The following CADPS2 variants were observed in gnomAD, a reference collection of about 807,000 sequenced individuals.
CADPS2 encodes the protein calcium-dependent secretion activator 2.
Under a neutral mutation model 172.5 loss-of-function variants are expected in CADPS2, and 93 were observed. The observed-to-expected ratio is 0.54, with a 90% CI of 0.46 to 0.64. CADPS2 has a LOEUF of 0.64. Among genes scored for constraint, CADPS2 ranks in the 30% least tolerant of loss-of-function variants. The pLI is 0.00. For synonymous variants in CADPS2, 546 were observed against 555.2 expected (o/e 0.98, Z 0.23); for missense variants, 1,420 against 1,565.9 (o/e 0.91, Z 1.57).
At position 122,474,536 on chromosome 7, in the gene CADPS2, A is replaced by C; in HGVS notation, c.1862-19T>G. The C allele has an allele frequency of 6.2e-7, 1 of 1,607,684 alleles. No individual in the cohort carries two copies. The highest frequency in any genetic ancestry group is 1.3e-5 in the African/African-American group (1 of 74,920). On this transcript the variant is annotated intron_variant, in intron 12 of 29. Transcript: ENST00000449022. Reference sequence around the variant, plus strand: ...TCTGCATCTGTAAATTCAGGAAAGCATGTACAGTATATTTACTTTTCAGGC... The same window carrying C: ...TCTGCATCTGTAAATTCAGGAAAGCCTGTACAGTATATTTACTTTTCAGGC...
At chr7:122,620,548 G>T (rs1320670006) in intron 5 of CADPS2, among the ~76,000 whole-genome samples, 1 of 152,134 alleles carries the variant, frequency 6.6e-6, no homozygotes, top group Non-Finnish European at 1.5e-5. Flanking sequence ...TGTACAAAGA[G>T]TATTAGTCTT....
At chr7:122,692,233 G>A (rs1323161279) in intron 2 of CADPS2, among the ~76,000 whole-genome samples, 3 of 152,132 alleles carry the variant, frequency 2.0e-5, no homozygotes, top group Admixed American at 2.0e-4. Context: ...AACATAGCGG[G>A]GGTGCAGGCA....
chr7:122,844,460 T>A (rs1811413416), intron 1 of CADPS2, among the ~76,000 whole-genome samples: 1 of 152,192 alleles, frequency 6.6e-6, no homozygotes, highest in African/African-American at 2.4e-5. Flanking sequence ...TCAATCACTT[T>A]TTATAAGAGT....
chr7:122,578,737 C>G (rs1026381419), intron 7 of CADPS2, among the ~76,000 whole-genome samples: 4 of 151,998 alleles, frequency 2.6e-5, no homozygotes, highest in Non-Finnish European at 5.9e-5. Flanking sequence ...TTAAATAGAT[C>G]ATAGTGACTG....
intron 6 of CADPS2, among the ~76,000 whole-genome samples, chr7:122,609,346 A>G (rs2074003757): frequency 6.6e-6 from 1 of 152,186 alleles, no homozygotes; most frequent in Admixed American, 6.5e-5. Flanking sequence ...GGTATGCACT[A>G]ACATTAAAAT....
chr7:122,560,199 C>T (rs1262055433), intron 7 of CADPS2, among the ~76,000 whole-genome samples: 2 of 152,000 alleles, frequency 1.3e-5, no homozygotes, highest in African/African-American at 4.8e-5. Flanking sequence ...TAGAAGGTTA[C>T]TGTGTGTAAA....
intron 28 of CADPS2, chr7:122,331,837 A>T (rs957267010): frequency 6.6e-6 from 1 of 152,186 alleles, no homozygotes; most frequent in African/African-American, 2.4e-5. Flanking sequence ...GTAAAGATTT[A>T]TATCTTATAT....
intron 14 of CADPS2, among the ~76,000 whole-genome samples, chr7:122,454,832 C>T (rs2053566046): frequency 6.6e-6 from 1 of 152,066 alleles, no homozygotes; most frequent in Admixed American, 6.6e-5. Context: ...TCAAAACACA[C>T]CCAGAATGTG....
chr7:122,779,842 C>T (rs1459268649), intron 1 of CADPS2, among the ~76,000 whole-genome samples: 2 of 152,122 alleles, frequency 1.3e-5, no homozygotes, highest in Non-Finnish European at 2.9e-5. Context: ...CTACTATATA[C>T]CTATGGACTA....
chr7:122,663,686 T>C (rs2080863135), intron 2 of CADPS2, 117 bp from the exon 3 acceptor site: 4 of 718,706 alleles, frequency 5.6e-6, no homozygotes, highest in East Asian at 2.7e-5. Flanking sequence ...AGCCAAATAC[T>C]CCACAATGAT....
chr7:122,842,135 G>A (rs551488378), intron 1 of CADPS2, among the ~76,000 whole-genome samples: 5 of 152,314 alleles, frequency 3.3e-5, no homozygotes, highest in African/African-American at 1.2e-4. Flanking sequence ...CTTTGGCTCA[G>A]GAACACGGCC....
intron 17 of CADPS2, among the ~76,000 whole-genome samples, chr7:122,429,617 C>T (rs749625085): frequency 6.6e-6 from 1 of 152,016 alleles, no homozygotes; most frequent in African/African-American, 2.4e-5. Context: ...TCTTTAATTA[C>T]CTGTTCAATT....
intron 2 of CADPS2, among the ~76,000 whole-genome samples, chr7:122,670,930 T>G (rs2081769737): frequency 6.6e-6 from 1 of 151,688 alleles, no homozygotes; most frequent in African/African-American, 2.4e-5. Context: ...TATTCTTCCT[T>G]GCTGGATCTC....
At chr7:122,776,593 A>G (rs1036333272) in intron 1 of CADPS2, among the ~76,000 whole-genome samples, 2 of 152,042 alleles carry the variant, frequency 1.3e-5, no homozygotes, top group Non-Finnish European at 2.9e-5. Context: ...AAACAAACAA[A>G]CAAACAAAAA....
At chr7:122,462,697 G>T (rs2054608390) in intron 14 of CADPS2, among the ~76,000 whole-genome samples, 1 of 152,138 alleles carries the variant, frequency 6.6e-6, no homozygotes, top group Non-Finnish European at 1.5e-5. Flanking sequence ...CTCATCAAAA[G>T]AAAGCTACAT....
chr7:122,821,110 C>T (rs1349328840), intron 1 of CADPS2, among the ~76,000 whole-genome samples: 1 of 152,014 alleles, frequency 6.6e-6, no homozygotes, highest in Non-Finnish European at 1.5e-5. Context: ...ATCCAGCCTC[C>T]CACATTATTC....
intron 1 of CADPS2, among the ~76,000 whole-genome samples, chr7:122,860,954 T>C (rs1391382356): frequency 6.6e-6 from 1 of 152,222 alleles, no homozygotes. Flanking sequence ...TATAGTTAAA[T>C]AGTAATGGTA....
chr7:122,499,522 A>T (rs542501142), intron 9 of CADPS2, among the ~76,000 whole-genome samples: 2 of 152,208 alleles, frequency 1.3e-5, no homozygotes. Flanking sequence ...GCCAAAAAGG[A>T]ATTCTTAATA....
chr7:122,752,051 TCCAAGAAAAC>T (rs1450356079), intron 1 of CADPS2, among the ~76,000 whole-genome samples: 4 of 144,544 alleles, frequency 2.8e-5, no homozygotes, highest in Admixed American at 2.1e-4. Flanking sequence ...AAAACAGATG[TCCAAGAAAAC>T]TCAAGAACAC....
Sources: gnomAD v4.1 joint callset for allele counts (sites outside exome capture counted in the v4.1 genomes callset) on GRCh38, gnomAD v4.1.1 for gene constraint, MANE v1.5 for transcripts, NCBI Gene and HGNC (gene_info 2026-07-23, HGNC 2026-07-21) for gene names.